The following RAB3C variants were observed in gnomAD, a reference collection of about 807,000 sequenced individuals.
RAB3C encodes the protein ras-related protein Rab-3C.
Under a neutral mutation model 26.4 loss-of-function variants are expected in RAB3C, and 17 were observed. The observed-to-expected ratio is 0.64, with a 90% confidence interval of 0.44 to 0.97. The LOEUF is 0.97. Among genes scored for constraint, RAB3C ranks in the 50% least tolerant of loss-of-function variants. The pLI, the probability that RAB3C is intolerant of heterozygous loss-of-function variation, is 0.00. For missense variants in RAB3C, 242 were observed against 281.9 expected, an observed-to-expected ratio of 0.86 and a Z score of 1.01; for synonymous variants, 91 against 95.9, an observed-to-expected ratio of 0.95 and a Z score of 0.30.
chr5:58,627,426 C>A (rs1747077428), intron 2 of RAB3C, among the ~76,000 whole-genome samples: 1 of 78,742 alleles, frequency 1.3e-5, no homozygotes, highest in Non-Finnish European at 2.4e-5. Context: ...GATTGCGCCA[C>A]TGCAGTCCGC....
intron 3 of RAB3C, among the ~76,000 whole-genome samples, chr5:58,819,613 G>A (rs754931199): frequency 6.6e-6 from 1 of 152,126 alleles, no homozygotes; most frequent in Non-Finnish European, 1.5e-5. Context: ...GGTGGCTTGC[G>A]CCTGTAATCC....
chr5:58,804,997 G>A (rs1030394938), intron 3 of RAB3C, among the ~76,000 whole-genome samples: 3 of 150,418 alleles, frequency 2.0e-5, no homozygotes, highest in Non-Finnish European at 4.4e-5. Flanking sequence ...ACTGGGGAGA[G>A]GCAAAGGTAT....
At chr5:58,835,716 A>AT (rs1256907740) in intron 4 of RAB3C, among the ~76,000 whole-genome samples, 1 of 152,150 alleles carries the variant, frequency 6.6e-6, no homozygotes, top group Non-Finnish European at 1.5e-5. Flanking sequence ...TGCCAGCTTC[A>AT]TTTTTTATTT....
intron 2 of RAB3C, among the ~76,000 whole-genome samples, chr5:58,673,802 T>C (rs2111828484): frequency 6.6e-6 from 1 of 152,312 alleles, no homozygotes; most frequent in South Asian, 2.1e-4. Flanking sequence ...CACAAGGCTG[T>C]TTCACCCTGA....
chr5:58,792,498 C>T (rs1026284804), intron 3 of RAB3C, among the ~76,000 whole-genome samples: 3 of 151,860 alleles, frequency 2.0e-5, no homozygotes, highest in African/African-American at 7.3e-5. Flanking sequence ...GAGAGGAGAG[C>T]AACAGATGCA....
At chr5:58,594,494 TTA>T (rs1279571646) in intron 1 of RAB3C, among the ~76,000 whole-genome samples, 7 of 152,138 alleles carry the variant, frequency 4.6e-5, no homozygotes, top group African/African-American at 1.7e-4. Context: ...GCAGGGATGA[TTA>T]TGACTATGAA....
At chr5:58,821,323 C>T (rs762562022) in intron 3 of RAB3C, among the ~76,000 whole-genome samples, 5 of 152,208 alleles carry the variant, frequency 3.3e-5, no homozygotes, top group Non-Finnish European at 5.9e-5. Context: ...CCCTGGCTTA[C>T]AAGACCTATA....
chr5:58,704,595 GCTGAATGTAT>G (rs1748908106), intron 2 of RAB3C, among the ~76,000 whole-genome samples: 1 of 152,100 alleles, frequency 6.6e-6, no homozygotes, highest in Admixed American at 6.5e-5. Context: ...AATGATCTGT[GCTGAATGTAT>G]CTGGGGTTGA....
intron 2 of RAB3C, among the ~76,000 whole-genome samples, chr5:58,682,678 C>T (rs1455362020): frequency 1.4e-5 from 2 of 146,406 alleles, no homozygotes. Context: ...AGTGAGACTC[C>T]GTCTCAAAAA....
intron 2 of RAB3C, among the ~76,000 whole-genome samples, chr5:58,654,247 A>G (rs1274025801): frequency 2.0e-5 from 3 of 152,170 alleles, no homozygotes; most frequent in East Asian, 1.9e-4. Context: ...GGAGTGTGCA[A>G]TGTACCCAAG....
intron 2 of RAB3C, among the ~76,000 whole-genome samples, chr5:58,689,706 CA>C (rs1381326223): frequency 1.3e-5 from 2 of 152,094 alleles, no homozygotes; most frequent in Non-Finnish European, 2.9e-5. Context: ...TTCCTCCTTC[CA>C]TTCATTCCCT....
chr5:58,660,031 T>TA (rs1561281598), intron 2 of RAB3C, among the ~76,000 whole-genome samples: 3,661 of 151,510 alleles, frequency 0.024, 301 homozygotes, highest in African/African-American at 0.085. Flanking sequence ...TCTTGAATTC[T>TA]TGAACTCAAG....
In RAB3C at chr5:58,791,155, T is replaced by G. The variant is rs115134521; in HGVS notation, c.372-33883T>G. 5.5e-3 allele frequency among the ~76,000 whole-genome samples: 835 copies of G among 152,114 alleles called. 11 individuals carry two copies. The highest frequency in any genetic ancestry group is 0.019 in the African/African-American group (789 of 41,510). On this transcript the variant is annotated intron_variant, in intron 3 of 4. Coordinates refer to ENST00000282878, the MANE Select transcript of RAB3C (RefSeq NM_138453.4). ...TTCCACAAATCTCGATTTCTGTCCC[T>G]CCAGTTCTTAGTCCACCAAAGTCAT...
intron 2 of RAB3C, among the ~76,000 whole-genome samples, chr5:58,716,088 C>A (rs1749167475): frequency 4.3e-5 from 5 of 115,324 alleles, no homozygotes; most frequent in South Asian, 2.8e-4. Flanking sequence ...AGTCTTTCAG[C>A]AGGAAAAAAA....
At chr5:58,774,801 G>A (rs1398880919) in intron 3 of RAB3C, among the ~76,000 whole-genome samples, 1 of 152,154 alleles carries the variant, frequency 6.6e-6, no homozygotes, top group African/African-American at 2.4e-5. Context: ...TGAACGTCCT[G>A]TGTCAGGGCA....
At chr5:58,623,031 C>T (rs916824807) in intron 2 of RAB3C, among the ~76,000 whole-genome samples, 1 of 152,162 alleles carries the variant, frequency 6.6e-6, no homozygotes, top group Non-Finnish European at 1.5e-5. Flanking sequence ...TATGACCTGT[C>T]CAAGATATTA....
At chr5:58,604,639 G>A (rs1022616895) in intron 1 of RAB3C, among the ~76,000 whole-genome samples, 1 of 152,308 alleles carries the variant, frequency 6.6e-6, no homozygotes, top group Non-Finnish European at 1.5e-5. Flanking sequence ...TGAAGGGCTG[G>A]TCTCACTCAC....
At chr5:58,820,475 T>C (rs1372198196) in intron 3 of RAB3C, among the ~76,000 whole-genome samples, 1 of 152,184 alleles carries the variant, frequency 6.6e-6, no homozygotes, top group Non-Finnish European at 1.5e-5. Context: ...GAAGTCCAAG[T>C]AGTCAAAACC....
chr5:58,646,045 T>G (rs158967), intron 2 of RAB3C, among the ~76,000 whole-genome samples: 21,991 of 152,232 alleles, frequency 0.14, 1,955 homozygotes, highest in Middle Eastern at 0.24. Context: ...ACCTCATTAT[T>G]GACCCTTGGT....
Sources: gnomAD v4.1 joint callset for allele counts (sites outside exome capture counted in the v4.1 genomes callset) on GRCh38, gnomAD v4.1.1 for gene constraint, MANE v1.5 for transcripts, NCBI Gene and HGNC (gene_info 2026-07-23, HGNC 2026-07-21) for gene names.